Variants in FGF12 observed in about 807,000 individuals in gnomAD.
The protein encoded by FGF12 is fibroblast growth factor 12.
Under a neutral mutation model 23.6 loss-of-function variants are expected in FGF12, and 14 were observed. The ratio of observed to expected loss-of-function variants is 0.59; its 90% CI spans 0.39 to 0.93. The LOEUF (loss-of-function observed/expected upper bound fraction) is 0.93. FGF12 is among the 40% of genes least tolerant of loss of function. The pLI is 0.00. For synonymous variants in FGF12, 62 were observed against 77.3 expected (o/e 0.80, Z 1.04); for missense variants, 175 against 217.8 (o/e 0.80, Z 1.24).
chr3:192,542,765 T>C (rs1196236642), intron 2 of FGF12, among the ~76,000 whole-genome samples: 1 of 152,172 alleles, frequency 6.6e-6, no homozygotes, highest in African/African-American at 2.4e-5. Context: ...TGCAGACTTA[T>C]AGAGATACTT....
intron 2 of FGF12, among the ~76,000 whole-genome samples, chr3:192,660,992 A>ATAAT (rs199626926): frequency 3.2e-4 from 48 of 151,088 alleles, no homozygotes; most frequent in Non-Finnish European, 6.1e-4. Flanking sequence ...TTTAAAAAAA[A>ATAAT]AATAATAATT....
Position 192,602,484 on chromosome 3 carries a change from G to A in FGF12, c.13+124697C>T, listed in dbSNP as rs185027624. Among the ~76,000 whole-genome samples the A allele has an allele frequency of 2.0e-5, 3 of 152,198 alleles. No homozygotes were observed. The East Asian group carries it at 5.8e-4, about 29-fold the overall frequency. ...TACCACCTTATCCATCAAATTCTATGTTGATGATTACACATCCTCTCAGAG... is the reference window on the plus strand; with the variant it reads ...TACCACCTTATCCATCAAATTCTATATTGATGATTACACATCCTCTCAGAG... On this transcript the variant is annotated intron_variant, in intron 2 of 5. Coordinates refer to ENST00000445105, the MANE Select transcript of FGF12 (RefSeq NM_004113.6).
intron 2 of FGF12, among the ~76,000 whole-genome samples, chr3:192,396,487 A>G (rs961755490): frequency 2.0e-5 from 3 of 152,260 alleles, no homozygotes; most frequent in Admixed American, 1.3e-4. Context: ...GCAGTAAGGC[A>G]TAGGCTTATC....
intron 3 of FGF12, among the ~76,000 whole-genome samples, chr3:192,348,581 C>A (rs934088147): frequency 6.6e-6 from 1 of 152,110 alleles, no homozygotes; most frequent in Non-Finnish European, 1.5e-5. Flanking sequence ...TAGAACTAAA[C>A]CACGTTGCCT....
chr3:192,588,177 C>G (rs1713453568), intron 2 of FGF12, among the ~76,000 whole-genome samples: 1 of 150,374 alleles, frequency 6.7e-6, no homozygotes, highest in Admixed American at 6.6e-5. Flanking sequence ...AACCCCGTCT[C>G]TACTGAAAAA....
chr3:192,441,934 C>T (rs978795022), intron 2 of FGF12, among the ~76,000 whole-genome samples: 1 of 152,186 alleles, frequency 6.6e-6, no homozygotes, highest in Non-Finnish European at 1.5e-5. Context: ...GCTTAAGTTT[C>T]CCTTAGAACG....
intron 4 of FGF12, among the ~76,000 whole-genome samples, chr3:192,319,215 A>T (rs571620352): frequency 2.6e-5 from 4 of 152,346 alleles, no homozygotes; most frequent in East Asian, 3.9e-4. Flanking sequence ...AAACACACAG[A>T]AAACACAGAA....
At chr3:192,485,404 T>C (rs762996813) in intron 2 of FGF12, among the ~76,000 whole-genome samples, 12 of 152,188 alleles carry the variant, frequency 7.9e-5, no homozygotes, top group Non-Finnish European at 1.5e-4. Flanking sequence ...TAAATATTAA[T>C]GCTTCGACAG....
intron 4 of FGF12, among the ~76,000 whole-genome samples, chr3:192,235,774 G>T (rs1241804974): frequency 6.6e-6 from 1 of 152,066 alleles, no homozygotes. Flanking sequence ...CTACCAAGTG[G>T]TCTATCAATC....
chr3:192,264,256 A>G (rs1712938710), intron 4 of FGF12, among the ~76,000 whole-genome samples: 1 of 152,156 alleles, frequency 6.6e-6, no homozygotes, highest in Admixed American at 6.6e-5. Flanking sequence ...TTGACCTAAC[A>G]TTTTGTGTTA....
intron 2 of FGF12, among the ~76,000 whole-genome samples, chr3:192,550,309 A>T (rs1725600051): frequency 6.6e-6 from 1 of 150,558 alleles, no homozygotes; most frequent in African/African-American, 2.4e-5. Context: ...ATGTGCAAAC[A>T]TATATAATAT....
chr3:192,149,812 T>G (rs1713948880), intron 5 of FGF12, among the ~76,000 whole-genome samples: 1 of 65,532 alleles, frequency 1.5e-5, no homozygotes, highest in African/African-American at 4.4e-5. Flanking sequence ...TGATTTATAG[T>G]CATTTGGGTA....
intron 2 of FGF12, among the ~76,000 whole-genome samples, chr3:192,478,520 T>C (rs960471780): frequency 2.0e-5 from 3 of 152,182 alleles, no homozygotes; most frequent in African/African-American, 4.8e-5. Context: ...TACAAATGTA[T>C]AATTTTTGTT....
At chr3:192,155,237 C>T (rs13092221) in intron 5 of FGF12, among the ~76,000 whole-genome samples, 18,484 of 152,036 alleles carry the variant, frequency 0.12, 1,428 homozygotes, top group South Asian at 0.21. Flanking sequence ...GAGATGAACC[C>T]GGTACCTCAG....
intron 2 of FGF12, among the ~76,000 whole-genome samples, chr3:192,561,511 C>T (rs10804947): frequency 0.18 from 26,668 of 151,900 alleles, 2,977 homozygotes; most frequent in East Asian, 0.45. Flanking sequence ...TACAGGCACC[C>T]GCCACCACGC....
chr3:192,201,238 T>C (rs974294051), intron 4 of FGF12, among the ~76,000 whole-genome samples: 2 of 152,198 alleles, frequency 1.3e-5, no homozygotes, highest in Non-Finnish European at 2.9e-5. Context: ...CTCTTTAGCA[T>C]TGTCCTGTTT....
chr3:192,141,128 CAAAAAAAAA>C lies in FGF12; in HGVS notation c.*2872_*2880del, dbSNP rs56933017. ...CCTGGGAAAAATCCCAATGCAACTC[CAAAAAAAAA>C]AAAAAAAAAAAAAAAAAGCTTATTT... On this transcript the variant is annotated 3_prime_UTR_variant, in exon 6 of 6. Transcript: ENST00000445105. 2.4e-5 allele frequency: 1 copy of C among 41,220 alleles called. No homozygotes were observed. Among genetic ancestry groups the C allele is most frequent in the African/African-American group, 1.0e-4 (1 of 9,828 alleles). 2.6% of individuals were successfully genotyped at this position (41,220 alleles called of 1,614,324 possible).
intron 4 of FGF12, among the ~76,000 whole-genome samples, chr3:192,252,462 C>CAAAAAAAAAAAAAA (rs56920518): frequency 3.6e-4 from 10 of 27,496 alleles, no homozygotes; most frequent in African/African-American, 8.9e-4. Flanking sequence ...GAATCTGTCT[C>CAAAAAAAAAAAAAA]AAAAAAAAAA....
chr3:192,702,570 A>AT (rs1718336593), intron 2 of FGF12, among the ~76,000 whole-genome samples: 1 of 152,176 alleles, frequency 6.6e-6, no homozygotes, highest in African/African-American at 2.4e-5. Context: ...AGGGAGGTAG[A>AT]TTGCTTGAGT....
Sources: allele counts gnomAD v4.1 joint callset (sites outside exome capture counted in the v4.1 genomes callset), GRCh38; gene constraint gnomAD v4.1.1; transcripts MANE v1.5; gene names NCBI Gene and HGNC (gene_info 2026-07-23, HGNC 2026-07-21).